Variants in SORCS3 observed in about 807,000 individuals in gnomAD.
SORCS3 encodes sortilin related VPS10 domain containing receptor 3, also known as VPS10 domain-containing receptor SorCS3.
In SORCS3, 57 loss-of-function variants were observed where a neutral mutation model predicts 146.3. The ratio of observed to expected loss-of-function variants is 0.39; its 90% CI spans 0.31 to 0.49. The LOEUF (loss-of-function observed/expected upper bound fraction) is 0.49. SORCS3 is among the 20% of genes least tolerant of loss of function. The pLI is 0.92. For missense variants in SORCS3, 1,341 were observed against 1,575.5 expected, an observed-to-expected ratio of 0.85 and a Z score of 2.52; for synonymous variants, 653 against 618.5, an observed-to-expected ratio of 1.06 and a Z score of -0.83.
At chr10:105,098,061 G>A (rs1001789737) in intron 6 of SORCS3, among the ~76,000 whole-genome samples, 1 of 152,100 alleles carries the variant, frequency 6.6e-6, no homozygotes, top group African/African-American at 2.4e-5. Context: ...AAATGAGCTT[G>A]GCACACAAGT....
At chr10:104,983,680 G>T (rs1589578987) in intron 4 of SORCS3, among the ~76,000 whole-genome samples, 1 of 151,974 alleles carries the variant, frequency 6.6e-6, no homozygotes, top group Non-Finnish European at 1.5e-5. Context: ...CTGCCCTAGT[G>T]CTGACTACTT....
intron 20 of SORCS3, among the ~76,000 whole-genome samples, chr10:105,240,678 C>T (rs2119713236): frequency 6.6e-6 from 1 of 152,126 alleles, no homozygotes; most frequent in East Asian, 1.9e-4. Flanking sequence ...GGGTATAAAT[C>T]CTATCAACAA....
chr10:104,989,792 G>A (rs1310253986), intron 4 of SORCS3, among the ~76,000 whole-genome samples: 1 of 152,196 alleles, frequency 6.6e-6, no homozygotes, highest in Non-Finnish European at 1.5e-5. Context: ...ACAATGGGCT[G>A]TAATAGTGGC....
intron 2 of SORCS3, among the ~76,000 whole-genome samples, chr10:104,856,869 T>A (rs2018340773): frequency 7.0e-6 from 1 of 143,260 alleles, no homozygotes. Flanking sequence ...TATAAATAAA[T>A]TAGAGATATA....
chr10:105,098,918 CT>C (rs2055765080), intron 6 of SORCS3, among the ~76,000 whole-genome samples: 1 of 152,178 alleles, frequency 6.6e-6, no homozygotes, highest in Non-Finnish European at 1.5e-5. Flanking sequence ...GCCAGATTGC[CT>C]CCTGTGCCAT....
intron 2 of SORCS3, among the ~76,000 whole-genome samples, chr10:104,893,086 C>T (rs1310912960): frequency 1.3e-5 from 2 of 152,084 alleles, no homozygotes; most frequent in Non-Finnish European, 2.9e-5. Flanking sequence ...TTCCATTGTG[C>T]GTCATAGTTT....
At chr10:105,186,533 A>G (rs1024820791) in intron 14 of SORCS3, among the ~76,000 whole-genome samples, 13 of 152,102 alleles carry the variant, frequency 8.5e-5, no homozygotes, top group Admixed American at 8.5e-4. Flanking sequence ...TGACATTTTA[A>G]TGACATAAGA....
At chr10:105,105,043 T>A (rs762859092) in intron 6 of SORCS3, among the ~76,000 whole-genome samples, 13 of 152,190 alleles carry the variant, frequency 8.5e-5, no homozygotes, top group Non-Finnish European at 4.4e-5. Flanking sequence ...AGAATTAGAA[T>A]TCTCTAATTA....
chr10:105,153,634 A>AGT (rs1239631670), intron 9 of SORCS3, among the ~76,000 whole-genome samples: 194 of 129,784 alleles, frequency 1.5e-3, no homozygotes, highest in Middle Eastern at 3.6e-3. Flanking sequence ...AGAGAGAGAG[A>AGT]GTGTGTGTGT....
intron 5 of SORCS3, among the ~76,000 whole-genome samples, chr10:105,062,412 G>A (rs908257513): frequency 3.3e-5 from 5 of 152,160 alleles, no homozygotes; most frequent in Non-Finnish European, 5.9e-5. Flanking sequence ...GGTGTTATAC[G>A]AATCAGAAAA....
intron 7 of SORCS3, among the ~76,000 whole-genome samples, chr10:105,126,905 T>C (rs1487074714): frequency 6.6e-6 from 1 of 152,158 alleles, no homozygotes; most frequent in Non-Finnish European, 1.5e-5. Context: ...ATGGCATTAT[T>C]ACTGGCCTTA....
At chr10:105,109,483 A>G (rs1326440295) in intron 7 of SORCS3, among the ~76,000 whole-genome samples, 2 of 152,076 alleles carry the variant, frequency 1.3e-5, no homozygotes, top group Admixed American at 1.3e-4. Flanking sequence ...TCTTTTTCCT[A>G]TAGTTTTTCC....
intron 1 of SORCS3, among the ~76,000 whole-genome samples, chr10:104,733,022 C>T (rs2016726032): frequency 6.6e-6 from 1 of 152,158 alleles, no homozygotes; most frequent in South Asian, 2.1e-4. Context: ...GCTTACAGTA[C>T]ATAAGCTGAT....
intron 2 of SORCS3, among the ~76,000 whole-genome samples, chr10:104,870,724 A>T (rs983742333): frequency 6.6e-6 from 1 of 152,260 alleles, no homozygotes; most frequent in East Asian, 1.9e-4. Flanking sequence ...TCATTTTCCC[A>T]TGTTGAGCAT....
intron 19 of SORCS3, chr10:105,217,875 C>T: frequency 2.2e-6 from 1 of 454,002 alleles, no homozygotes; most frequent in Non-Finnish European, 4.4e-6. Flanking sequence ...TGTCTTGGGG[C>T]TGGGATTGGT....
intron 1 of SORCS3, among the ~76,000 whole-genome samples, chr10:104,817,276 A>G (rs1246939826): frequency 2.0e-5 from 3 of 152,066 alleles, no homozygotes; most frequent in Non-Finnish European, 4.4e-5. Context: ...CTGACACATT[A>G]TCTCAATTTT....
At chr10:104,879,388 ACT>A (rs1034347412) in intron 2 of SORCS3, among the ~76,000 whole-genome samples, 23 of 151,594 alleles carry the variant, frequency 1.5e-4, no homozygotes, top group African/African-American at 5.3e-4. Flanking sequence ...TCACCTCACC[ACT>A]CTCTGACCCA....
At chr10:104,653,797 G>A (rs942401341) in intron 1 of SORCS3, among the ~76,000 whole-genome samples, 1 of 152,140 alleles carries the variant, frequency 6.6e-6, no homozygotes, top group Admixed American at 6.5e-5. Flanking sequence ...TATCATTTGT[G>A]TTACAAATAA....
At chr10:104,969,760 C>T (rs1014515464) in intron 3 of SORCS3, among the ~76,000 whole-genome samples, 1 of 152,108 alleles carries the variant, frequency 6.6e-6, no homozygotes, top group African/African-American at 2.4e-5. Flanking sequence ...ATAAATGCAG[C>T]ATCTCTGTAT....
Sources: gnomAD v4.1 joint callset for allele counts (sites outside exome capture counted in the v4.1 genomes callset) on GRCh38, gnomAD v4.1.1 for gene constraint, MANE v1.5 for transcripts, NCBI Gene and HGNC (gene_info 2026-07-23, HGNC 2026-07-21) for gene names.